Variants in CDKL4 observed in about 807,000 individuals in gnomAD.
The protein encoded by CDKL4 is cyclin-dependent kinase-like 4.
In CDKL4, 44 loss-of-function variants were observed where a neutral mutation model predicts 42.0. The observed-to-expected ratio is 1.05, with a 90% CI of 0.82 to 1.35. The LOEUF (loss-of-function observed/expected upper bound fraction) is 1.35. Among genes scored for constraint, CDKL4 ranks in the 40% most tolerant of loss-of-function variants. The pLI, the probability that CDKL4 is intolerant of heterozygous loss-of-function variation, is 0.00. For missense variants in CDKL4, 393 were observed against 369.9 expected, an observed-to-expected ratio of 1.06 and a Z score of -0.51; for synonymous variants, 120 against 121.6, an observed-to-expected ratio of 0.99 and a Z score of 0.09.
chr2:39,171,804 G>T (rs1213083659), downstream of CDKL4, among the ~76,000 whole-genome samples: 3 of 152,204 alleles, frequency 2.0e-5, no homozygotes, highest in Non-Finnish European at 4.4e-5. Context: ...GAGCACAGAG[G>T]AGTGTTCAGG....
At chr2:39,229,629 G>A in intron 1 of CDKL4, 41 bp from the exon 2 acceptor site, 2 of 965,006 alleles carry the variant, frequency 2.1e-6, no homozygotes, top group Non-Finnish European at 3.1e-6. Context: ...AGCTATAAAA[G>A]ACAATGTTCT....
At chr2:39,184,696 ATGTGTG>A in intron 7 of CDKL4, 49 bp from the exon 8 acceptor site, 1 of 1,249,932 alleles carries the variant, frequency 8.0e-7, no homozygotes, top group Non-Finnish European at 1.2e-6. Flanking sequence ...ACAAAGTAAT[ATGTGTG>A]TGTATATATG....
intron 5 of CDKL4, among the ~76,000 whole-genome samples, chr2:39,201,630 A>T (rs1465601107): frequency 6.6e-6 from 1 of 152,238 alleles, no homozygotes; most frequent in Admixed American, 6.5e-5. Flanking sequence ...GCAGAATACT[A>T]CTTAGTCATA....
At chr2:39,246,754 T>C (rs1464355090), upstream of CDKL4, among the ~76,000 whole-genome samples, 1 of 152,198 alleles carries the variant, frequency 6.6e-6, no homozygotes, top group East Asian at 1.9e-4. Context: ...TGTACCTTTT[T>C]TTTTTTGGAA....
chr2:39,203,973 T>C (rs1677004033), intron 5 of CDKL4, among the ~76,000 whole-genome samples: 1 of 152,212 alleles, frequency 6.6e-6, no homozygotes, highest in South Asian at 2.1e-4. Flanking sequence ...CTAATACATA[T>C]ATTTGTCTGC....
At chr2:39,199,851 A>C (rs1676742452) in intron 5 of CDKL4, among the ~76,000 whole-genome samples, 1 of 152,026 alleles carries the variant, frequency 6.6e-6, no homozygotes, top group African/African-American at 2.4e-5. Context: ...GGTAATAAAA[A>C]CCATTGATGA....
chr2:39,225,942 G>T, exon 3 of CDKL4: 1 of 1,609,670 alleles, frequency 6.2e-7, no homozygotes, highest in Non-Finnish European at 8.5e-7. Flanking sequence ...AGGTTCACAA[G>T]ATTTGGATGT....
At chr2:39,234,203 G>GC (rs1254352360) in intron 1 of CDKL4, among the ~76,000 whole-genome samples, 1 of 152,000 alleles carries the variant, frequency 6.6e-6, no homozygotes, top group Non-Finnish European at 1.5e-5. Flanking sequence ...GTGAGCCACT[G>GC]CACCCGGCCT....
chr2:39,229,547 C>T, exon 2 of CDKL4: 1 of 1,591,068 alleles, frequency 6.3e-7, no homozygotes, highest in East Asian at 2.2e-5. Context: ...GCTGAAGTGA[C>T]TTAAATTATT....
At chr2:39,178,912 T>G in intron 9 of CDKL4, 1 of 1,451,334 alleles carries the variant, frequency 6.9e-7, no homozygotes, top group Non-Finnish European at 9.1e-7. Context: ...GGGTATACGA[T>G]CTTGTGGGTG....
intron 1 of CDKL4, among the ~76,000 whole-genome samples, chr2:39,235,637 C>T (rs1350444803): frequency 6.6e-6 from 1 of 152,108 alleles, no homozygotes; most frequent in African/African-American, 2.4e-5. Flanking sequence ...TTCCTAGCTA[C>T]TCAGGAAGCT....
In CDKL4 at chr2:39,179,450, T is replaced by G; in HGVS notation, c.793-129A>C. 3 of 689,714 alleles carry G rather than the reference T, an allele frequency of 4.3e-6. No individual in the cohort carries two copies. The South Asian group carries it at 8.7e-5, about 20-fold the overall frequency. The allele number at this position is 689,714 out of a possible 1,614,324, so 42.7% of individuals were successfully genotyped here. On this transcript the variant is annotated intron_variant, in intron 8 of 9. Transcript: ENST00000451199. The stretch of plus-strand genomic sequence containing the variant: ...ATCTTCCAGTTTGTGTATTATCAAG[T>G]AGTTGGAGCTTGCTAATAGCTAGGA...
intron 5 of CDKL4, 52 bp downstream of exon 5, chr2:39,204,475 G>T: frequency 3.0e-6 from 3 of 1,001,390 alleles, no homozygotes; most frequent in Non-Finnish European, 4.8e-6. Context: ...TTTAAACTAT[G>T]TCATTTTATC....
intron 8 of CDKL4, among the ~76,000 whole-genome samples, chr2:39,183,096 A>T (rs907323556): frequency 1.1e-4 from 17 of 152,310 alleles, no homozygotes; most frequent in African/African-American, 4.1e-4. Context: ...CCTGGCCAAC[A>T]TGATGAAACC....
chr2:39,239,322 A>T (rs1679530604), intron 1 of CDKL4, among the ~76,000 whole-genome samples: 1 of 152,218 alleles, frequency 6.6e-6, no homozygotes, highest in Admixed American at 6.5e-5. Context: ...ATGACACCAT[A>T]AGCATGATTC....
chr2:39,233,037 T>G (rs1417770074), intron 1 of CDKL4, among the ~76,000 whole-genome samples: 2 of 55,946 alleles, frequency 3.6e-5, no homozygotes, highest in Non-Finnish European at 6.5e-5. Context: ...AGAGTGAGAC[T>G]CCATCTCAAA....
rs1558547514 is a variant in CDKL4, at chr2:39,185,404, G to GTGTATATATATATATATA, written c.736-758_736-757insTATATATATATATATACA. 3.3e-3 allele frequency among the ~76,000 whole-genome samples: 12 copies of GTGTATATATATATATATA among 3,660 alleles called. 2 individuals carry two copies. The highest frequency in any genetic ancestry group is 0.013 in the Admixed American group (7 of 522). 2.4% of individuals were successfully genotyped at this position (3,660 alleles called of 152,430 possible). ...TATATATACATGTATATATACATATGTGTATATATACATATATATATACAT... is the reference window on the plus strand; with the variant it reads ...TATATATACATGTATATATACATATGTGTATATATATATATATATGTATATATACATATATATATACAT... On this transcript the variant is annotated intron_variant, in intron 7 of 9. Coordinates refer to ENST00000451199, the Ensembl canonical transcript of CDKL4.
At chr2:39,194,317 T>TCAAAAATA (rs1188730316) in intron 5 of CDKL4, among the ~76,000 whole-genome samples, 1 of 152,084 alleles carries the variant, frequency 6.6e-6, no homozygotes, top group African/African-American at 2.4e-5. Context: ...ATTAGCCCTA[T>TCAAAAATA]CAAAAATACA....
intron 1 of CDKL4, among the ~76,000 whole-genome samples, chr2:39,240,284 G>C (rs1427853425): frequency 6.7e-6 from 1 of 148,522 alleles, no homozygotes; most frequent in Non-Finnish European, 1.5e-5. Context: ...AAATCAGCTG[G>C]GTGTGGTGGT....
Sources: allele counts gnomAD v4.1 joint callset (sites outside exome capture counted in the v4.1 genomes callset), GRCh38; gene constraint gnomAD v4.1.1; transcripts MANE v1.5; gene names NCBI Gene and HGNC (gene_info 2026-07-23, HGNC 2026-07-21).